SPG11: variants seen among roughly 807,000 people sequenced by gnomAD.
The protein encoded by SPG11 is SPG11 vesicle trafficking associated, spatacsin.
Under a neutral mutation model 274.0 loss-of-function variants are expected in SPG11, and 222 were observed. That is an observed-to-expected ratio of 0.81 (90% CI 0.73 to 0.91). The LOEUF (loss-of-function observed/expected upper bound fraction) is 0.91, where lower values mean the gene tolerates loss of function less well. SPG11 is among the 40% of genes least tolerant of loss of function. SPG11 has a pLI of 0.00. For synonymous variants in SPG11, 1,144 were observed against 1,039.7 expected, an observed-to-expected ratio of 1.10 and a Z score of -1.93; for missense variants, 3,114 against 2,872.7, an observed-to-expected ratio of 1.08 and a Z score of -1.92.
rs775295729 is a variant in SPG11, at chr15:44,565,865, G to A, written c.6988C>T (p.Arg2330Trp). The A allele has an allele frequency of 9.9e-6, 16 of 1,613,936 alleles. No homozygotes were observed. Among genetic ancestry groups the A allele is most frequent in the Admixed American group, 3.3e-5 (2 of 59,996 alleles). Residue 2330 changes from arginine to tryptophan, a missense_variant, in exon 38 of 40, where the codon CGG becomes TGG. Coordinates refer to ENST00000261866, the MANE Select transcript of SPG11 (RefSeq NM_025137.4). ...GCTTTCTTGCTCACCTGGTAGAACC[G>A]AGGTAGGGCCAGAATACAGTCCATC... ...KLMDCILALP[R>W]FYQASIVAEA...
Position 44,575,122 on chromosome 15 carries a change from G to C in SPG11, c.5867-81C>G, listed in dbSNP as rs142412693. The stretch of plus-strand genomic sequence containing the variant: ...TAGCTCTCTATGGCTCTACCTCTCT[G>C]CTTGAAGCTCCCTGCACTGCACTCC... On this transcript the variant is annotated intron_variant, in intron 30 of 39. Coordinates refer to ENST00000261866, the MANE Select transcript of SPG11 (RefSeq NM_025137.4). 683 of 1,562,332 alleles carry C rather than the reference G, an allele frequency of 4.4e-4. 3 individuals are homozygous for C. The African/African-American group carries it at 8.3e-3, about 19-fold the overall frequency.
intron 26 of SPG11, among the ~76,000 whole-genome samples, chr15:44,593,437 G>T (rs1458611911): frequency 6.6e-6 from 1 of 152,124 alleles, no homozygotes; most frequent in Admixed American, 6.5e-5. Flanking sequence ...TGATCCATCC[G>T]CCTAGGCTTC....
rs2083566472 is a variant in SPG11, at chr15:44,615,377, G to A, written c.3024C>T (p.Tyr1008=). The change falls in exon 16 of 40, where the codon TAC becomes TAT. Residue 1008 remains tyrosine (Y), a synonymous_variant. Coordinates refer to ENST00000261866, the MANE Select transcript of SPG11 (RefSeq NM_025137.4). ...EHSLQHLLYV[Y]LDCYKLSPEN... ...TCAGTACTCACTTGTAACAGTCAAG[G>A]TAGACATAAAGAAGATGCTGCAGAC... The A allele has an allele frequency of 6.2e-7, 1 of 1,613,748 alleles. No homozygotes were observed. Among genetic ancestry groups the A allele is most frequent in the South Asian group, 1.1e-5 (1 of 91,076 alleles).
intron 7 of SPG11, 43 bp from the exon 8 acceptor site, chr15:44,633,680 AG>A (rs1033924452): frequency 6.3e-7 from 1 of 1,591,856 alleles, no homozygotes. Flanking sequence ...AAATTACAAT[AG>A]GAAAAAAAAA....
rs1486147261 is a variant in SPG11 at position 44,567,529 on chromosome 15, T to C, written c.6649A>G (p.Lys2217Glu). ...IKRCRPGDSE[K>E]HNMIALCFSM... ...AAGCACAGGGCAATCATATTGTGCTTTTCACTGTCTCCAGGACGGCAGCGT... is the reference window on the plus strand; with the variant it reads ...AAGCACAGGGCAATCATATTGTGCTCTTCACTGTCTCCAGGACGGCAGCGT... Residue 2217 changes from lysine (K) to glutamate (E), a missense_variant, in exon 36 of 40, where the codon AAG (lysine) becomes GAG (glutamate). Transcript: ENST00000261866. The C allele has an allele frequency of 6.2e-7, 1 of 1,613,990 alleles. No individual in the cohort carries two copies.
At chr15:44,619,424 C>T (rs1595887975) in intron 15 of SPG11, among the ~76,000 whole-genome samples, 1 of 152,260 alleles carries the variant, frequency 6.6e-6, no homozygotes, top group South Asian at 2.1e-4. Context: ...ATTTAACAGG[C>T]TTTTCTAAAT....
chr15:44,625,483 G>C (rs2083871813), intron 11 of SPG11, among the ~76,000 whole-genome samples: 1 of 152,104 alleles, frequency 6.6e-6, no homozygotes, highest in South Asian at 2.1e-4. Flanking sequence ...GTTTAAAAGT[G>C]TGTAGCACCT....
At chr15:44,596,463 TAA>T (rs1353153812) in intron 24 of SPG11, 108 bp from the exon 25 acceptor site, 2 of 1,219,930 alleles carry the variant, frequency 1.6e-6, no homozygotes, top group Admixed American at 3.8e-5. Flanking sequence ...CACCCTGAAC[TAA>T]GTCAGAGTGA....
Position 44,592,346 on chromosome 15 carries a change from C to A in SPG11, c.4728G>T (p.Gln1576His). The change falls in exon 27 of 40, where the codon CAG (glutamine) becomes CAT (histidine). Residue 1576 changes from glutamine to histidine, a missense_variant. Gln to His is a conservative substitution (Grantham distance 24). Coordinates refer to ENST00000261866, the MANE Select transcript of SPG11 (RefSeq NM_025137.4). ...TCCAACTTACCGTTTCAAGGCTCTT[C>A]TGAAACTCCAGAAGTTTAGCTTCAG... ...KEAEAKLLEF[Q>H]KSLETLNTAA... is the part of the protein sequence containing the mutation. The A allele has an allele frequency of 6.2e-7, 1 of 1,605,524 alleles. No individual in the cohort carries two copies. The highest frequency in any genetic ancestry group is 1.1e-5 in the South Asian group (1 of 90,888).
At chr15:44,581,054 A>G (rs948550075) in intron 30 of SPG11, among the ~76,000 whole-genome samples, 3 of 152,142 alleles carry the variant, frequency 2.0e-5, no homozygotes, top group African/African-American at 7.2e-5. Context: ...CTGAAGACCA[A>G]CAACAGAAAA....
intron 7 of SPG11, among the ~76,000 whole-genome samples, chr15:44,645,169 GTC>G: frequency 6.6e-6 from 1 of 152,208 alleles, no homozygotes; most frequent in East Asian, 1.9e-4. Flanking sequence ...TCGGCCTTTT[GTC>G]TAAGACCAAT....
At chr15:44,618,234 C>T (rs1033701480) in intron 15 of SPG11, among the ~76,000 whole-genome samples, 2 of 151,944 alleles carry the variant, frequency 1.3e-5, no homozygotes, top group Admixed American at 6.6e-5. Flanking sequence ...TTAGGCCAGG[C>T]GCAGTGGCTC....
chr15:44,586,073 C>G (rs566336529), intron 28 of SPG11, among the ~76,000 whole-genome samples: 1 of 150,042 alleles, frequency 6.7e-6, no homozygotes, highest in South Asian at 2.1e-4. Context: ...CAACCTGCAC[C>G]TCCTGGGTTC....
chr15:44,622,602 A>G, intron 12 of SPG11, 126 bp downstream of exon 12: 1 of 863,354 alleles, frequency 1.2e-6, no homozygotes, highest in Admixed American at 2.2e-5. Context: ...GGGTTGTCAC[A>G]CTTTTACTTA....
At chr15:44,607,195 A>G (rs1327503911) in intron 19 of SPG11, among the ~76,000 whole-genome samples, 1 of 152,260 alleles carries the variant, frequency 6.6e-6, no homozygotes, top group African/African-American at 2.4e-5. Flanking sequence ...AACAAGCAGT[A>G]TACAAGTGCT....
In SPG11 at chr15:44,592,422, A is replaced by G. The variant is rs1377824763; in HGVS notation, c.4652T>C (p.Leu1551Pro). 2 of 1,601,066 alleles carry G rather than the reference A, an allele frequency of 1.2e-6. No homozygotes were observed. Among genetic ancestry groups the G allele is most frequent in the Non-Finnish European group, 1.7e-6 (2 of 1,168,048 alleles). Residue 1551 changes from leucine (L) to proline (P), a missense_variant, in exon 27 of 40, where the codon CTG (leucine) becomes CCG (proline). Coordinates refer to ENST00000261866, the MANE Select transcript of SPG11 (RefSeq NM_025137.4). ...ACACAGTTCATACATCTCCATCACC[A>G]GTAGTAACGGGGAATCCTTTGACAA... The part of the protein sequence containing the change: ...QLFFKDSPLL[L>P]VMEMYELCMF...
intron 7 of SPG11, among the ~76,000 whole-genome samples, chr15:44,638,509 C>G (rs1016665211): frequency 2.0e-5 from 3 of 147,450 alleles, no homozygotes; most frequent in Non-Finnish European, 3.0e-5. Context: ...AACCCCCCCC[C>G]CCAACACACA....
rs780185842 is a variant in SPG11 at position 44,649,024 on chromosome 15, T to C, written c.1457-13A>G. 3.1e-6 allele frequency: 5 copies of C among 1,608,712 alleles called. No homozygotes were observed. The highest frequency in any genetic ancestry group is 1.7e-5 in the Admixed American group (1 of 59,924). On this transcript the variant is annotated splice_polypyrimidine_tract_variant and intron_variant, in intron 6 of 39. Transcript: ENST00000261866. ...GAGAGTCCATTCTCTATAGGAAAAA[T>C]AAAAGTTAGCTTTAACAAATTAGAT...
At chr15:44,648,720 A>T (rs1303525543) in intron 7 of SPG11, 146 bp downstream of exon 7, 4 of 907,626 alleles carry the variant, frequency 4.4e-6, no homozygotes, top group Non-Finnish European at 7.0e-6. Flanking sequence ...TAGGGTAATG[A>T]AACAGCCAGA....
Sources: gnomAD v4.1 joint callset for allele counts (sites outside exome capture counted in the v4.1 genomes callset) on GRCh38, gnomAD v4.1.1 for gene constraint, MANE v1.5 for transcripts, NCBI Gene and HGNC (gene_info 2026-07-23, HGNC 2026-07-21) for gene names.